Variants in PODN observed in about 807,000 individuals in gnomAD.
PODN encodes podocan.
In PODN, 40 loss-of-function variants were observed where a neutral mutation model predicts 52.7. The ratio of observed to expected loss-of-function variants is 0.76; its 90% CI spans 0.59 to 0.99. The LOEUF (loss-of-function observed/expected upper bound fraction) is 0.99, where lower values mean the gene tolerates loss of function less well. Ranked by LOEUF, PODN falls within the 50% of genes least tolerant of loss-of-function variation. The pLI is 0.00. For missense variants in PODN, 720 were observed against 815.1 expected, an observed-to-expected ratio of 0.88 and a Z score of 1.42; for synonymous variants, 396 against 377.9, an observed-to-expected ratio of 1.05 and a Z score of -0.56.
intron 3 of PODN, 123 bp from the exon 4 acceptor site, chr1:53,074,483 G>A (rs1644164449): frequency 9.4e-7 from 1 of 1,068,382 alleles, no homozygotes; most frequent in Non-Finnish European, 1.4e-6. Context: ...CTTGGGAGGG[G>A]ATCTGAGCTG....
chr1:53,062,641 A>T (rs894247421), intron 1 of PODN, among the ~76,000 whole-genome samples: 39 of 152,098 alleles, frequency 2.6e-4, no homozygotes, highest in African/African-American at 9.4e-4. Flanking sequence ...CCGGCGGGCG[A>T]CAGGGAATGT....
chr1:53,072,121 A>T (rs1420498938), intron 3 of PODN, among the ~76,000 whole-genome samples: 2 of 150,186 alleles, frequency 1.3e-5, no homozygotes. Flanking sequence ...AATAAAAATA[A>T]AATAAAATAA....
At chr1:53,077,838 G>T in intron 7 of PODN, 38 bp downstream of exon 7, 1 of 1,577,384 alleles carries the variant, frequency 6.3e-7, no homozygotes, top group Non-Finnish European at 8.7e-7. Context: ...GCGTGACCAC[G>T]GGGCCCGGGA....
intron 1 of PODN, chr1:53,066,866 T>C (rs1202420520): frequency 6.5e-7 from 1 of 1,549,336 alleles, no homozygotes; most frequent in Non-Finnish European, 8.7e-7. Flanking sequence ...ACAGCCTGCC[T>C]GGTATGTGCA....
intron 9 of PODN, 111 bp from the exon 10 acceptor site, chr1:53,081,870 T>C (rs1368759152): frequency 4.7e-6 from 7 of 1,473,734 alleles, no homozygotes; most frequent in Non-Finnish European, 6.3e-6. Context: ...CTGCACCACT[T>C]TCCGGGAGGG....
Position 53,078,492 on chromosome 1 carries a change from G to A in PODN, c.982G>A (p.Val328Met). The A allele has an allele frequency of 6.2e-7, 1 of 1,613,356 alleles. No homozygotes were observed. Among genetic ancestry groups the A allele is most frequent in the Non-Finnish European group, 8.5e-7 (1 of 1,180,044 alleles). Residue 328 changes from valine to methionine, a missense_variant, in exon 8 of 11, where the codon GTG (valine) becomes ATG (methionine). Coordinates refer to ENST00000312553, the MANE Select transcript of PODN (RefSeq NM_153703.5). The stretch of plus-strand genomic sequence containing the variant: ...CGCCATCCGGAGCGTGGACGCGAAT[G>A]TGCTGACCCCCATCCGCAGCCTGGA... ...KNAIRSVDAN[V>M]LTPIRSLEYL...
rs2275451 is a variant in PODN at position 53,070,187 on chromosome 1, T to C, written c.312+20T>C. The stretch of plus-strand genomic sequence containing the variant: ...CTGCAGGTGAGGTCGGCGTTGCACC[T>C]GTGGTCACGGGGGCTGTCCCACACA... On this transcript the variant is annotated intron_variant, in intron 2 of 10. Coordinates refer to ENST00000312553, the MANE Select transcript of PODN (RefSeq NM_153703.5). 80,156 of 1,600,322 alleles carry C rather than the reference T, an allele frequency of 0.05. 2,627 individuals carry two copies. The highest frequency in any genetic ancestry group is 0.2 in the East Asian group (8,957 of 44,850).
At chr1:53,070,255 G>A (rs1644098394) in intron 2 of PODN, 88 bp downstream of exon 2, 1 of 1,565,996 alleles carries the variant, frequency 6.4e-7, no homozygotes, top group Admixed American at 1.9e-5. Flanking sequence ...CAAGCAAACT[G>A]TTCACCCAGA....
At chr1:53,074,462 C>A in intron 3 of PODN, 144 bp from the exon 4 acceptor site, 2 of 860,934 alleles carry the variant, frequency 2.3e-6, no homozygotes, top group South Asian at 2.9e-5. Context: ...GCTGGGCAGG[C>A]CCCCCAACTG....
In PODN at chr1:53,077,775, G is replaced by C; in HGVS notation, c.829G>C (p.Glu277Gln). ...CCTGCAGAACAACTACCTGACTGAC[G>C]AGGGCCTGGACAACGAGACCTTCTG... is the stretch of plus-strand genomic sequence containing the variant. Reference protein sequence around the residue: ...LYLQNNYLTDEGLDNETFWKL... With the variant: ...LYLQNNYLTDQGLDNETFWKL... The change falls in exon 7 of 11, where the codon GAG becomes CAG. Residue 277 changes from glutamate to glutamine, a missense_variant. By Grantham distance (29) the Glu-to-Gln change is conservative. Transcript: ENST00000312553. The C allele has an allele frequency of 6.2e-7, 1 of 1,613,500 alleles. No individual in the cohort carries two copies. The highest frequency in any genetic ancestry group is 8.5e-7 in the Non-Finnish European group (1 of 1,179,936).
At chr1:53,063,078 A>G (rs923982137) in intron 1 of PODN, among the ~76,000 whole-genome samples, 4 of 151,936 alleles carry the variant, frequency 2.6e-5, no homozygotes, top group Non-Finnish European at 5.9e-5. Flanking sequence ...TCCCCGAGCC[A>G]CAGCCCGGCC....
chr1:53,070,726 G>C (rs556569408), intron 2 of PODN, among the ~76,000 whole-genome samples: 3 of 152,214 alleles, frequency 2.0e-5, no homozygotes, highest in African/African-American at 7.2e-5. Flanking sequence ...TGCGGCACCC[G>C]TTCCCAGAGG....
At chr1:53,071,876 A>T (rs1202253653) in intron 3 of PODN, among the ~76,000 whole-genome samples, 1 of 151,838 alleles carries the variant, frequency 6.6e-6, no homozygotes, top group South Asian at 2.1e-4. Flanking sequence ...ATAGTCACTT[A>T]CTTTAATAAC....
chr1:53,063,885 C>T (rs1420800590), intron 1 of PODN, among the ~76,000 whole-genome samples: 2 of 152,104 alleles, frequency 1.3e-5, no homozygotes, highest in Non-Finnish European at 2.9e-5. Context: ...GCGGTGGAGG[C>T]CCTTGGCCAC....
At chr1:53,075,106 A>G (rs1644175479) in intron 4 of PODN, among the ~76,000 whole-genome samples, 1 of 152,164 alleles carries the variant, frequency 6.6e-6, no homozygotes, top group African/African-American at 2.4e-5. Flanking sequence ...GCTCTGTCCC[A>G]GCCCCTTCTC....
intron 9 of PODN, among the ~76,000 whole-genome samples, chr1:53,081,397 G>T (rs1391407887): frequency 6.6e-6 from 1 of 152,210 alleles, no homozygotes; most frequent in Non-Finnish European, 1.5e-5. Context: ...AGGAGACAAG[G>T]CAGAGATGAG....
Position 53,070,156 on chromosome 1 carries a change from C to T in PODN, c.301C>T (p.Leu101=), listed in dbSNP as rs760790874. Residue 101 remains leucine (L), a synonymous_variant, in exon 2 of 11, where the codon CTA becomes TTA. Transcript: ENST00000312553. ...GGACCTGCCTGAGCACACCAACCAC[C>T]TATCTCTGCAGGTGAGGTCGGCGTT... ...PGDLPEHTNH[L]SLQNNQLEKI... 3 of 1,608,642 alleles carry T rather than the reference C, an allele frequency of 1.9e-6. No individual in the cohort carries two copies. The African/African-American group carries it at 4.0e-5, about 21-fold the overall frequency.
rs1644119376 is a variant in PODN, at chr1:53,071,612, C to G, written c.390C>G (p.Asn130Lys). The change falls in exon 3 of 11, where the codon AAC becomes AAG. Residue 130 changes from asparagine (N) to lysine (K), a missense_variant. Coordinates refer to ENST00000312553, the MANE Select transcript of PODN (RefSeq NM_153703.5). ...TGGAGACGCTGAACCTGCAAAACAACCGCCTGACTTCCCGAGGTGAGGGGC... is the reference window on the plus strand; with the variant it reads ...TGGAGACGCTGAACCTGCAAAACAAGCGCCTGACTTCCCGAGGTGAGGGGC... ...HRLETLNLQN[N>K]RLTSRGLPEK... 6.2e-7 allele frequency: 1 copy of G among 1,613,616 alleles called. No homozygotes were observed. The highest frequency in any genetic ancestry group is 1.7e-5 in the Admixed American group (1 of 59,986).
Position 53,067,778 on chromosome 1 carries a change from C to T in PODN, c.-55-2023C>T, listed in dbSNP as rs145785037. ...ACAAAATTTAAAAATTTGGCTGGCA[C>T]GGTTGTGACCCCCTATAGTCCCAGT... On this transcript the variant is annotated intron_variant, in intron 1 of 10. Transcript: ENST00000312553. Among the ~76,000 whole-genome samples, 72 of 152,118 alleles carry T rather than the reference C, an allele frequency of 4.7e-4. 1 individual carries two copies. Among genetic ancestry groups the T allele is most frequent in the African/African-American group, 1.6e-3 (67 of 41,492 alleles).
Sources: gnomAD v4.1 joint callset for allele counts (sites outside exome capture counted in the v4.1 genomes callset) on GRCh38, gnomAD v4.1.1 for gene constraint, MANE v1.5 for transcripts, NCBI Gene and HGNC (gene_info 2026-07-23, HGNC 2026-07-21) for gene names.